Variants in PCDHA7 observed in about 807,000 individuals in gnomAD.
PCDHA7 encodes the protein protocadherin alpha 7, also known as protocadherin alpha-7.
PCDHA7 carries 37 observed loss-of-function variants against 57.2 expected under a neutral mutation model. The observed-to-expected ratio is 0.65, with a 90% confidence interval of 0.50 to 0.85. PCDHA7 has a LOEUF of 0.85. Ranked by LOEUF, PCDHA7 falls within the 40% of genes least tolerant of loss-of-function variation. PCDHA7 has a pLI of 0.00. For missense variants in PCDHA7, 1,188 were observed against 1,241.8 expected (o/e 0.96, Z 0.65); for synonymous variants, 553 against 558.8 (o/e 0.99, Z 0.15).
intron 1 of PCDHA7, chr5:140,877,601 T>A (rs2057236715): frequency 6.2e-7 from 1 of 1,613,744 alleles, no homozygotes; most frequent in Non-Finnish European, 8.5e-7. Flanking sequence ...GTGTCCAGCC[T>A]GCTGGTGCTC....
intron 3 of PCDHA7, among the ~76,000 whole-genome samples, chr5:140,997,683 T>C (rs782444752): frequency 6.6e-6 from 1 of 152,044 alleles, no homozygotes; most frequent in Non-Finnish European, 1.5e-5. Context: ...TGTGTGTGTG[T>C]GTGTGTGTGT....
chr5:140,949,809 G>A (rs782774481), intron 1 of PCDHA7, among the ~76,000 whole-genome samples: 1 of 151,712 alleles, frequency 6.6e-6, no homozygotes. Flanking sequence ...TACATTATTT[G>A]CTTTCTATTT....
intron 1 of PCDHA7, among the ~76,000 whole-genome samples, chr5:140,970,633 A>G (rs2096420540): frequency 6.6e-6 from 1 of 152,210 alleles, no homozygotes; most frequent in Admixed American, 6.5e-5. Context: ...AAAATTTTGT[A>G]CCATAAATAG....
Position 141,009,850 on chromosome 5 carries a change from C to CAAGAAAAAG in PCDHA7, c.2742_2750dup (p.Lys915_Lys917dup). ...TAACCTTCGGCAAAAAGGAGGAGAC[C>CAAGAAAAAG]AAGAAAAAGAAGAAAAAGAAGAAGG... On this transcript the variant is annotated inframe_insertion, in exon 4 of 4. Coordinates refer to ENST00000525929, the MANE Select transcript of PCDHA7 (RefSeq NM_018910.3). The CAAGAAAAAG allele has an allele frequency of 1.2e-6, 2 of 1,613,572 alleles. No individual in the cohort carries two copies. Among genetic ancestry groups the CAAGAAAAAG allele is most frequent in the Non-Finnish European group, 1.7e-6 (2 of 1,179,906 alleles).
intron 1 of PCDHA7, chr5:140,884,124 G>C: frequency 6.2e-7 from 1 of 1,613,344 alleles, no homozygotes; most frequent in Non-Finnish European, 8.5e-7. Flanking sequence ...GTCGGCGCGC[G>C]CATCCCGTTC....
chr5:140,967,257 G>A (rs782706939), intron 1 of PCDHA7: 2 of 1,613,486 alleles, frequency 1.2e-6, no homozygotes, highest in East Asian at 2.2e-5. Flanking sequence ...GTGGCGCCTG[G>A]AGCGCGCTTT....
intron 1 of PCDHA7, chr5:140,871,353 G>T: frequency 6.2e-7 from 1 of 1,614,214 alleles, no homozygotes; most frequent in Non-Finnish European, 8.5e-7. Flanking sequence ...GGTCATACTC[G>T]CAGCAGAGGC....
chr5:140,835,202 G>A lies in PCDHA7; in HGVS notation c.819G>A (p.Leu273=). The change falls in exon 1 of 4, where the codon TTG becomes TTA. Residue 273 remains leucine (L), a synonymous_variant. Coordinates refer to ENST00000525929, the MANE Select transcript of PCDHA7 (RefSeq NM_018910.3). ...HPNASDLDEG[L]NGDIIYSFSS... is the part of the protein sequence containing the mutation. ...ATGCCTCAGATTTAGACGAAGGCTT[G>A]AATGGGGATATTATTTACTCCTTCT... 1 of 1,560,884 alleles carries A rather than the reference G, an allele frequency of 6.4e-7. No homozygotes were observed. The highest frequency in any genetic ancestry group is 1.4e-5 in the African/African-American group (1 of 70,402).
chr5:140,876,967 G>A (rs200960356), intron 1 of PCDHA7: 7 of 1,612,934 alleles, frequency 4.3e-6, no homozygotes, highest in African/African-American at 2.7e-5. Context: ...GGAGCGGCGG[G>A]TGGGCGAGCA....
At chr5:140,928,942 T>G in intron 1 of PCDHA7, 1 of 1,614,062 alleles carries the variant, frequency 6.2e-7, no homozygotes, top group Non-Finnish European at 8.5e-7. Flanking sequence ...GAACTTGTAT[T>G]TAGTAATTGC....
intron 1 of PCDHA7, among the ~76,000 whole-genome samples, chr5:140,931,320 G>A (rs1350182542): frequency 6.6e-6 from 1 of 151,992 alleles, no homozygotes; most frequent in Non-Finnish European, 1.5e-5. Context: ...TACCAGTAAT[G>A]GCTGTAAAGT....
intron 1 of PCDHA7, chr5:140,930,101 G>A (rs782338185): frequency 9.2e-5 from 14 of 152,094 alleles, no homozygotes; most frequent in Non-Finnish European, 1.6e-4. Context: ...TATACTGATA[G>A]GAGATCATAT....
chr5:140,987,481 G>T (rs1244029095), intron 3 of PCDHA7, among the ~76,000 whole-genome samples: 1 of 152,170 alleles, frequency 6.6e-6, no homozygotes, highest in Non-Finnish European at 1.5e-5. Flanking sequence ...TTGGGAGTCA[G>T]TGACCCTTTC....
chr5:140,981,981 A>G (rs2096960839), intron 2 of PCDHA7, among the ~76,000 whole-genome samples: 1 of 152,208 alleles, frequency 6.6e-6, no homozygotes, highest in Non-Finnish European at 1.5e-5. Flanking sequence ...GAAAGAGTAA[A>G]ATAGAAAATA....
chr5:140,888,811 T>C (rs187578319), intron 1 of PCDHA7, among the ~76,000 whole-genome samples: 124 of 152,270 alleles, frequency 8.1e-4, no homozygotes, highest in African/African-American at 1.8e-3. Context: ...CAGTGATCTG[T>C]GATCTGTGAT....
At chr5:140,876,597 G>A in intron 1 of PCDHA7, 1 of 1,614,160 alleles carries the variant, frequency 6.2e-7, no homozygotes, top group Non-Finnish European at 8.5e-7. Flanking sequence ...TTAGCGTGTC[G>A]GATCGTGACT....
rs2150246964 is a variant in PCDHA7, at chr5:140,835,869, G to A, written c.1486G>A (p.Glu496Lys). The change falls in exon 1 of 4, where the codon GAG (glutamate) becomes AAG (lysine). Residue 496 changes from glutamate (E) to lysine (K), a missense_variant. Around this residue, in one of 3 missense-constraint regions of PCDHA7, gnomAD observed 892 missense variants for 788.5 expected, o/e 1.13. Transcript: ENST00000525929. ...KNALVSYSLV[E>K]LRVGERALSS... ...CGCGCTGGTGTCCTACTCGCTGGTG[G>A]AGCTGCGGGTGGGCGAGCGCGCGCT... The A allele has an allele frequency of 6.8e-6, 11 of 1,611,976 alleles. No individual in the cohort carries two copies. The African/African-American group carries it at 1.3e-4, about 20-fold the overall frequency.
chr5:140,877,704 C>G, intron 1 of PCDHA7: 2 of 1,613,952 alleles, frequency 1.2e-6, no homozygotes, highest in South Asian at 1.1e-5. Context: ...GCTCCAGCGC[C>G]GTGGGGAGTT....
At chr5:140,910,523 T>TC (rs2153515069) in intron 1 of PCDHA7, among the ~76,000 whole-genome samples, 1 of 152,338 alleles carries the variant, frequency 6.6e-6, no homozygotes, top group African/African-American at 2.4e-5. Flanking sequence ...ATGCAGGTAC[T>TC]CCCCTCACAA....
Sources: allele counts gnomAD v4.1 joint callset (sites outside exome capture counted in the v4.1 genomes callset), GRCh38; gene constraint gnomAD v4.1.1; regional missense constraint gnomAD v4.1.1; transcripts MANE v1.5; gene names NCBI Gene and HGNC (gene_info 2026-07-23, HGNC 2026-07-21).